Variants in NUSAP1 observed in about 807,000 individuals in gnomAD.
NUSAP1 encodes nucleolar and spindle-associated protein 1.
Under a neutral mutation model 52.8 loss-of-function variants are expected in NUSAP1, and 32 were observed. The ratio of observed to expected loss-of-function variants is 0.61; its 90% confidence interval spans 0.46 to 0.81. The LOEUF (loss-of-function observed/expected upper bound fraction) is 0.81, where lower values mean the gene tolerates loss of function less well. Among genes scored for constraint, NUSAP1 ranks in the 40% least tolerant of loss-of-function variants. The pLI, the probability that NUSAP1 is intolerant of heterozygous loss-of-function variation, is 0.00. For synonymous variants in NUSAP1, 195 were observed against 183.1 expected, an observed-to-expected ratio of 1.06 and a Z score of -0.52; for missense variants, 499 against 522.3, an observed-to-expected ratio of 0.96 and a Z score of 0.43.
chr15:41,358,688 C>T (rs1045170910), intron 6 of NUSAP1, among the ~76,000 whole-genome samples: 4 of 152,050 alleles, frequency 2.6e-5, no homozygotes, highest in African/African-American at 4.8e-5. Flanking sequence ...GAGCTGAGAT[C>T]GCGCCACTGC....
chr15:41,375,547 G>A (rs993337306), intron 8 of NUSAP1, among the ~76,000 whole-genome samples, 165 bp from the exon 9 acceptor site: 28 of 151,986 alleles, frequency 1.8e-4, no homozygotes, highest in Non-Finnish European at 3.8e-4. Flanking sequence ...TCCTGACCTC[G>A]TGATCCGCCC....
chr15:41,339,787 T>C (rs1302843199), intron 1 of NUSAP1, among the ~76,000 whole-genome samples: 2 of 152,106 alleles, frequency 1.3e-5, no homozygotes, highest in African/African-American at 4.8e-5. Context: ...TTTCTATTTT[T>C]TTATTTTTTT....
intron 7 of NUSAP1, among the ~76,000 whole-genome samples, chr15:41,367,726 A>G (rs1450174754): frequency 6.6e-6 from 1 of 152,150 alleles, no homozygotes; most frequent in Non-Finnish European, 1.5e-5. Context: ...TGCTTGCAGT[A>G]GCAATGGGGG....
rs2050167209 is a variant in NUSAP1 at position 41,380,493 on chromosome 15, C to T, written c.*307C>T. 1 of 231,380 alleles carries T rather than the reference C, an allele frequency of 4.3e-6. No homozygotes were observed. The highest frequency in any genetic ancestry group is 5.8e-5 in the South Asian group (1 of 17,308). The allele number at this position is 231,380 out of a possible 1,614,324, so 14.3% of individuals were successfully genotyped here. Reference sequence around the variant, plus strand: ...AGTTCCCAAGTTCCCCCTGCTGGTTCTAATATTAACAGAACTGCAGTCTTC... The same window carrying T: ...AGTTCCCAAGTTCCCCCTGCTGGTTTTAATATTAACAGAACTGCAGTCTTC... On this transcript the variant is annotated 3_prime_UTR_variant, in exon 11 of 11. Transcript: ENST00000559596.
chr15:41,369,436 T>A (rs965104403), intron 7 of NUSAP1, among the ~76,000 whole-genome samples: 15 of 151,320 alleles, frequency 9.9e-5, no homozygotes, highest in Non-Finnish European at 2.2e-4. Flanking sequence ...TCACCTGAGG[T>A]CAGGAGTTCA....
At chr15:41,356,179 C>T in intron 5 of NUSAP1, 39 bp downstream of exon 5, 1 of 1,167,774 alleles carries the variant, frequency 8.6e-7, no homozygotes, top group Non-Finnish European at 1.3e-6. Flanking sequence ...GTAATGGTTG[C>T]CCCACTTCGG....
At chr15:41,348,126 AAAAGAAAG>A (rs1387232684) in intron 2 of NUSAP1, among the ~76,000 whole-genome samples, 1 of 152,128 alleles carries the variant, frequency 6.6e-6, no homozygotes, top group African/African-American at 2.4e-5. Flanking sequence ...TTGTCTCTAA[AAAAGAAAG>A]AAAGAAAGAA....
intron 4 of NUSAP1, among the ~76,000 whole-genome samples, chr15:41,354,732 G>A (rs1567053893): frequency 6.6e-6 from 1 of 150,906 alleles, no homozygotes; most frequent in Non-Finnish European, 1.5e-5. Flanking sequence ...TAGAGACGGG[G>A]TCAGGGCAGG....
At chr15:41,341,416 C>T (rs1161103411) in intron 1 of NUSAP1, among the ~76,000 whole-genome samples, 2 of 152,128 alleles carry the variant, frequency 1.3e-5, no homozygotes, top group African/African-American at 4.8e-5. Context: ...TAACATTGTT[C>T]TTTCAGGAAA....
At chr15:41,376,793 G>A (rs1567078624) in intron 9 of NUSAP1, among the ~76,000 whole-genome samples, 1 of 151,604 alleles carries the variant, frequency 6.6e-6, no homozygotes, top group Non-Finnish European at 1.5e-5. Flanking sequence ...ATTGCAAATT[G>A]GTTGGACACA....
intron 7 of NUSAP1, 79 bp downstream of exon 7, chr15:41,365,668 A>G: frequency 2.8e-6 from 3 of 1,064,916 alleles, no homozygotes; most frequent in South Asian, 3.5e-5. Context: ...TAATTGGCAA[A>G]TAATATTCGT....
intron 5 of NUSAP1, among the ~76,000 whole-genome samples, chr15:41,357,927 G>C (rs1313007804): frequency 6.6e-6 from 1 of 152,150 alleles, no homozygotes; most frequent in Admixed American, 6.6e-5. Flanking sequence ...AGTGAAATTT[G>C]TCAGTGGGGA....
chr15:41,373,521 C>T (rs1448719506), intron 8 of NUSAP1, among the ~76,000 whole-genome samples: 1 of 142,162 alleles, frequency 7.0e-6, no homozygotes, highest in Admixed American at 7.3e-5. Context: ...ACCATCTTGG[C>T]TCACTGCAAC....
At chr15:41,338,396 T>C (rs561335788) in intron 1 of NUSAP1, among the ~76,000 whole-genome samples, 1 of 152,240 alleles carries the variant, frequency 6.6e-6, no homozygotes, top group Non-Finnish European at 1.5e-5. Context: ...TCTCAGTACA[T>C]TGTTCAGGCC....
Position 41,380,416 on chromosome 15 carries a change from A to G in NUSAP1, c.*230A>G. On this transcript the variant is annotated 3_prime_UTR_variant, in exon 11 of 11. Transcript: ENST00000559596. ...TTTTACTTAAGTCCATTAACAATTC[A>G]GGTTTCTAACGAGACCCATCCTAAA... is the stretch of plus-strand genomic sequence containing the variant. 3.0e-6 allele frequency: 1 copy of G among 331,164 alleles called. No homozygotes were observed. Among genetic ancestry groups the G allele is most frequent in the South Asian group, 4.4e-5 (1 of 22,618 alleles). The allele number at this position is 331,164 out of a possible 1,614,324, so 20.5% of individuals were successfully genotyped here.
chr15:41,368,728 C>CTTT (rs57501156), intron 7 of NUSAP1, among the ~76,000 whole-genome samples: 1,080 of 77,918 alleles, frequency 0.014, 54 homozygotes, highest in African/African-American at 0.048. Context: ...TTATTTTATT[C>CTTT]TTTTTTTTTT....
intron 4 of NUSAP1, among the ~76,000 whole-genome samples, chr15:41,353,782 C>G (rs2048862770): frequency 6.6e-6 from 1 of 152,022 alleles, no homozygotes. Flanking sequence ...TATACGGGGC[C>G]CTTTATGGTT....
At chr15:41,336,289 T>G (rs2048128119) in intron 1 of NUSAP1, among the ~76,000 whole-genome samples, 1 of 150,362 alleles carries the variant, frequency 6.7e-6, no homozygotes, top group Admixed American at 6.7e-5. Context: ...ATAATAATAA[T>G]AATAATAAAT....
intron 4 of NUSAP1, among the ~76,000 whole-genome samples, chr15:41,354,610 T>C (rs1054915194): frequency 6.6e-6 from 1 of 151,874 alleles, no homozygotes; most frequent in Non-Finnish European, 1.5e-5. Flanking sequence ...TACGTGACTT[T>C]TATCACTAGT....
Sources: allele counts gnomAD v4.1 joint callset (sites outside exome capture counted in the v4.1 genomes callset), GRCh38; gene constraint gnomAD v4.1.1; transcripts MANE v1.5; gene names NCBI Gene and HGNC (gene_info 2026-07-23, HGNC 2026-07-21).